The following SNRNP40 variants were observed in gnomAD, a reference collection of about 807,000 sequenced individuals.
The protein encoded by SNRNP40 is U5 small nuclear ribonucleoprotein 40 kDa protein.
SNRNP40 carries 21 observed loss-of-function variants against 45.8 expected under a neutral mutation model. That is an observed-to-expected ratio of 0.46 (90% CI 0.32 to 0.66). The LOEUF (loss-of-function observed/expected upper bound fraction) is 0.66. SNRNP40 is among the 30% of genes least tolerant of loss of function. The pLI is 0.03. For missense variants in SNRNP40, 344 were observed against 439.1 expected, an observed-to-expected ratio of 0.78 and a Z score of 1.94; for synonymous variants, 142 against 163.8, an observed-to-expected ratio of 0.87 and a Z score of 1.01.
chr1:31,288,348 T>G (rs1179665922), intron 4 of SNRNP40, among the ~76,000 whole-genome samples: 2 of 152,198 alleles, frequency 1.3e-5, no homozygotes, highest in East Asian at 3.9e-4. Context: ...ACTGTGTCCT[T>G]GTGTGCCTCT....
intron 7 of SNRNP40, among the ~76,000 whole-genome samples, chr1:31,268,402 C>T (rs1207980852): frequency 3.3e-5 from 5 of 151,530 alleles, no homozygotes; most frequent in Admixed American, 3.3e-4. Flanking sequence ...CCCACTTCAG[C>T]CTCCCAAGCA....
chr1:31,292,064 C>T, intron 2 of SNRNP40, 58 bp from the exon 3 acceptor site: 3 of 1,194,358 alleles, frequency 2.5e-6, no homozygotes, highest in Non-Finnish European at 3.7e-6. Context: ...ATAAATTTAT[C>T]AGAACAACAG....
intron 8 of SNRNP40, among the ~76,000 whole-genome samples, chr1:31,264,977 C>G (rs1234243387): frequency 6.6e-6 from 1 of 152,168 alleles, no homozygotes; most frequent in African/African-American, 2.4e-5. Context: ...CTTACTTTGG[C>G]ATGGCAACAT....
chr1:31,288,838 T>C (rs1306992572), intron 4 of SNRNP40, among the ~76,000 whole-genome samples: 1 of 152,130 alleles, frequency 6.6e-6, no homozygotes, highest in Admixed American at 6.5e-5. Context: ...TGCACACCAT[T>C]CTCCTGCCTC....
At chr1:31,284,887 G>C (rs941366035) in intron 4 of SNRNP40, among the ~76,000 whole-genome samples, 1 of 152,142 alleles carries the variant, frequency 6.6e-6, no homozygotes, top group African/African-American at 2.4e-5. Context: ...TCTCCTACAT[G>C]CCCAACATCT....
At chr1:31,272,207 T>C (rs1466202425) in intron 5 of SNRNP40, among the ~76,000 whole-genome samples, 2 of 152,068 alleles carry the variant, frequency 1.3e-5, no homozygotes, top group East Asian at 3.8e-4. Context: ...ATATGAAAAA[T>C]ACAGATGCTT....
intron 5 of SNRNP40, among the ~76,000 whole-genome samples, chr1:31,277,152 G>C (rs1224191809): frequency 4.6e-5 from 7 of 152,100 alleles, no homozygotes; most frequent in Non-Finnish European, 1.0e-4. Context: ...AGCCATGATT[G>C]CACCACTGCA....
chr1:31,282,405 A>G (rs1403307501), intron 4 of SNRNP40: 1 of 152,070 alleles, frequency 6.6e-6, no homozygotes, highest in Non-Finnish European at 1.5e-5. Context: ...CTTGGGAGGA[A>G]GGGCTGGGGA....
In SNRNP40 at chr1:31,259,965, T is replaced by TG. The variant is rs1256349465; in HGVS notation, c.*106dup. On this transcript the variant is annotated 3_prime_UTR_variant, in exon 10 of 10. Transcript: ENST00000263694. ...ACCGCCTCCTGTTTCTTGCTAGCAA[T>TG]GGTCATCTGAAGGGAGGGTGCTAGC... 1 of 834,490 alleles carries TG rather than the reference T, an allele frequency of 1.2e-6. No individual in the cohort carries two copies. The highest frequency in any genetic ancestry group is 2.5e-5 in the East Asian group (1 of 40,608). 51.7% of individuals were successfully genotyped at this position (834,490 alleles called of 1,614,324 possible).
chr1:31,263,072 G>A (rs1212093068), intron 8 of SNRNP40, among the ~76,000 whole-genome samples: 32 of 151,836 alleles, frequency 2.1e-4, no homozygotes, highest in Admixed American at 2.1e-3. Context: ...AGAGTTTTAA[G>A]CTTCTTTCTA....
intron 4 of SNRNP40, among the ~76,000 whole-genome samples, chr1:31,286,305 G>A (rs1413597891): frequency 6.6e-6 from 1 of 152,190 alleles, no homozygotes; most frequent in Non-Finnish European, 1.5e-5. Flanking sequence ...TTCTTGGACA[G>A]AGAAATCAGC....
Position 31,259,779 on chromosome 1 carries a change from CAACA to C in SNRNP40, c.*289_*292del, listed in dbSNP as rs1645844984. The C allele has an allele frequency of 1.8e-6, 1 of 549,688 alleles. No homozygotes were observed. The highest frequency in any genetic ancestry group is 3.3e-6 in the Non-Finnish European group (1 of 300,646). 34.1% of individuals were successfully genotyped at this position (549,688 alleles called of 1,614,324 possible). On this transcript the variant is annotated 3_prime_UTR_variant, in exon 10 of 10. Transcript: ENST00000263694. ...ACAAAAAAAAAAAAAAAATCCCAACCAACAAATTTGTCACATTGGGCCTGCATTA... is the reference window on the plus strand; with the variant it reads ...ACAAAAAAAAAAAAAAAATCCCAACCAATTTGTCACATTGGGCCTGCATTA...
intron 1 of SNRNP40, among the ~76,000 whole-genome samples, chr1:31,295,112 G>GGGGAT (rs1222561823): frequency 6.6e-6 from 1 of 152,134 alleles, no homozygotes; most frequent in Admixed American, 6.5e-5. Flanking sequence ...AAGAAGGGAT[G>GGGGAT]GGGATGGTGG....
In SNRNP40 at chr1:31,276,455, G is replaced by A. The variant is rs562114077; in HGVS notation, c.654+4919C>T. ...AATGATTTGATAGAGAGCAACTAGAGGTGGGCTTAGTTAAGGATATACTTT... is the reference window on the plus strand; with the variant it reads ...AATGATTTGATAGAGAGCAACTAGAAGTGGGCTTAGTTAAGGATATACTTT... On this transcript the variant is annotated intron_variant, in intron 5 of 9. Coordinates refer to ENST00000263694, the MANE Select transcript of SNRNP40 (RefSeq NM_004814.3). Among the ~76,000 whole-genome samples the A allele has an allele frequency of 2.0e-5, 3 of 152,216 alleles. No individual in the cohort carries two copies. In the East Asian group the frequency reaches 5.8e-4, roughly 29 times the overall value.
intron 7 of SNRNP40, among the ~76,000 whole-genome samples, chr1:31,268,785 G>A (rs534545770): frequency 5.3e-5 from 8 of 152,294 alleles, no homozygotes; most frequent in East Asian, 1.9e-4. Context: ...ACATGGTCAC[G>A]GGATGCGGAG....
chr1:31,261,726 T>C (rs1017243807), intron 8 of SNRNP40, 94 bp from the exon 9 acceptor site: 4 of 712,288 alleles, frequency 5.6e-6, no homozygotes, highest in Non-Finnish European at 9.8e-6. Context: ...GCAACAATTA[T>C]TTACTTACCT....
intron 9 of SNRNP40, chr1:31,260,934 TTA>T: frequency 2.0e-6 from 2 of 979,986 alleles, no homozygotes; most frequent in Non-Finnish European, 2.6e-6. Flanking sequence ...GGAAGTAAAT[TTA>T]AAAAAAAATT....
intron 3 of SNRNP40, 24 bp downstream of exon 3, chr1:31,291,889 C>T: frequency 6.8e-7 from 1 of 1,477,386 alleles, no homozygotes; most frequent in Non-Finnish European, 9.5e-7. Context: ...GAGAAGCTGT[C>T]CTTCCATTAT....
intron 8 of SNRNP40, among the ~76,000 whole-genome samples, chr1:31,267,500 A>G (rs1645907045): frequency 6.6e-6 from 1 of 152,166 alleles, no homozygotes; most frequent in South Asian, 2.1e-4. Context: ...CGCTTTATGT[A>G]TAAAACACAA....
Sources: allele counts gnomAD v4.1 joint callset (sites outside exome capture counted in the v4.1 genomes callset), GRCh38; gene constraint gnomAD v4.1.1; transcripts MANE v1.5; gene names NCBI Gene and HGNC (gene_info 2026-07-23, HGNC 2026-07-21).